KALRN: variants seen among roughly 807,000 people sequenced by gnomAD.
The protein encoded by KALRN is kalirin RhoGEF kinase, also known as kalirin.
Under a neutral mutation model 353.7 loss-of-function variants are expected in KALRN, and 70 were observed. That is an observed-to-expected ratio of 0.20 (90% CI 0.16 to 0.24). The LOEUF is 0.24. Among genes scored for constraint, KALRN ranks in the 10% least tolerant of loss-of-function variants. The pLI is 1.00. For synonymous variants in KALRN, 1,391 were observed against 1,434.8 expected, an observed-to-expected ratio of 0.97 and a Z score of 0.69; for missense variants, 2,791 against 3,756.7, an observed-to-expected ratio of 0.74 and a Z score of 6.72.
intron 25 of KALRN, among the ~76,000 whole-genome samples, chr3:124,463,689 C>G (rs1385227512): frequency 1.3e-5 from 2 of 152,016 alleles, no homozygotes; most frequent in Non-Finnish European, 2.9e-5. Flanking sequence ...CTAGAATAGC[C>G]CTGTGCTAAG....
intron 6 of KALRN, among the ~76,000 whole-genome samples, chr3:124,305,593 G>A (rs2077618889): frequency 6.6e-6 from 1 of 152,176 alleles, no homozygotes; most frequent in Non-Finnish European, 1.5e-5. Context: ...GAAAATCAGA[G>A]CACTGCCAAA....
intron 38 of KALRN, among the ~76,000 whole-genome samples, chr3:124,652,813 G>A (rs1323826487): frequency 2.6e-5 from 4 of 151,500 alleles, no homozygotes; most frequent in Non-Finnish European, 3.0e-5. Flanking sequence ...TCCTGACCTC[G>A]TGATCCGCCA....
chr3:124,201,697 C>T (rs1209245151), intron 1 of KALRN, among the ~76,000 whole-genome samples: 1 of 152,090 alleles, frequency 6.6e-6, no homozygotes, highest in Non-Finnish European at 1.5e-5. Flanking sequence ...TAGACCTCCC[C>T]CTGGGTGCTC....
At chr3:124,369,867 T>C (rs772308461) in intron 10 of KALRN, among the ~76,000 whole-genome samples, 6 of 151,860 alleles carry the variant, frequency 4.0e-5, no homozygotes, top group African/African-American at 1.5e-4. Flanking sequence ...TCATGCAGTA[T>C]TTATCTTGCT....
At chr3:124,565,574 T>C (rs1214457752) in intron 34 of KALRN, among the ~76,000 whole-genome samples, 1 of 152,218 alleles carries the variant, frequency 6.6e-6, no homozygotes, top group Non-Finnish European at 1.5e-5. Flanking sequence ...GAGAGACCCA[T>C]CTGCAGAGAC....
intron 51 of KALRN, among the ~76,000 whole-genome samples, chr3:124,689,861 A>G (rs1445876047): frequency 1.3e-5 from 2 of 152,224 alleles, no homozygotes; most frequent in African/African-American, 4.8e-5. Context: ...AAAGGTTCAC[A>G]AGTCTGGTAG....
At chr3:124,131,506 A>T (rs1029490584) in intron 1 of KALRN, among the ~76,000 whole-genome samples, 1 of 152,250 alleles carries the variant, frequency 6.6e-6, no homozygotes, top group Non-Finnish European at 1.5e-5. Flanking sequence ...GTAAGATTGT[A>T]CTTGAACTTG....
intron 37 of KALRN, among the ~76,000 whole-genome samples, chr3:124,642,806 G>GTTGTTTTTATTT (rs796628603): frequency 1.0e-5 from 1 of 96,840 alleles, no homozygotes; most frequent in African/African-American, 4.5e-5. Context: ...CCCAAGCCTC[G>GTTGTTTTTATTT]TTTTTTTTTT....
At chr3:124,486,628 T>A (rs1218712803) in intron 28 of KALRN, among the ~76,000 whole-genome samples, 1 of 152,140 alleles carries the variant, frequency 6.6e-6, no homozygotes, top group Non-Finnish European at 1.5e-5. Context: ...TTACCAAGTA[T>A]AAAGCTTGAC....
At chr3:124,252,495 T>C (rs369024228) in intron 3 of KALRN, among the ~76,000 whole-genome samples, 1 of 152,166 alleles carries the variant, frequency 6.6e-6, no homozygotes, top group African/African-American at 2.4e-5. Context: ...AACCACTTTA[T>C]AGAGGAGGAC....
At chr3:124,239,749 G>C (rs1433482981) in intron 3 of KALRN, among the ~76,000 whole-genome samples, 2 of 152,136 alleles carry the variant, frequency 1.3e-5, no homozygotes, top group African/African-American at 4.8e-5. Context: ...AAACTGCAAG[G>C]GTTTCCTGCC....
chr3:124,069,311 TAGGAGGAGGAGGAGGAGGAGGAGG>T (rs1208255204), intron 1 of KALRN, among the ~76,000 whole-genome samples: 5 of 21,426 alleles, frequency 2.3e-4, no homozygotes, highest in African/African-American at 3.4e-4. Context: ...CATGGAAACC[TAGGAGGAGGAGGAGGAGGAGGAGG>T]AGGAGGAGGA....
At chr3:124,477,377 G>C in intron 27 of KALRN, 43 bp downstream of exon 27, 1 of 1,397,740 alleles carries the variant, frequency 7.2e-7, no homozygotes, top group Non-Finnish European at 1.0e-6. Context: ...TGAGCAGGTG[G>C]AAATGCTTCT....
intron 1 of KALRN, chr3:124,099,384 A>G (rs2061678883): frequency 6.6e-6 from 1 of 152,234 alleles, no homozygotes; most frequent in Non-Finnish European, 1.5e-5. Flanking sequence ...GCTGCAAATG[A>G]CAGGATTTCC....
intron 7 of KALRN, among the ~76,000 whole-genome samples, chr3:124,329,346 G>A (rs1038380745): frequency 5.3e-5 from 8 of 152,150 alleles, no homozygotes; most frequent in African/African-American, 1.2e-4. Flanking sequence ...GGCAGTTTCC[G>A]TCCCATATGG....
At chr3:124,184,595 A>G (rs1171589556) in intron 1 of KALRN, among the ~76,000 whole-genome samples, 1 of 152,114 alleles carries the variant, frequency 6.6e-6, no homozygotes, top group Non-Finnish European at 1.5e-5. Flanking sequence ...ACACAGGTCA[A>G]TTTTCAACTC....
At chr3:124,550,806 G>T (rs775559409) in intron 33 of KALRN, among the ~76,000 whole-genome samples, 1 of 152,042 alleles carries the variant, frequency 6.6e-6, no homozygotes, top group East Asian at 1.9e-4. Context: ...TGGCTAACAC[G>T]GTGAAACCCC....
At chr3:124,147,351 C>T (rs1330577626) in intron 1 of KALRN, among the ~76,000 whole-genome samples, 4 of 152,164 alleles carry the variant, frequency 2.6e-5, no homozygotes, top group Non-Finnish European at 5.9e-5. Flanking sequence ...GGAAGATACT[C>T]TGCCTCCTAG....
At chr3:124,183,839 G>C (rs977548471) in intron 1 of KALRN, among the ~76,000 whole-genome samples, 14 of 152,270 alleles carry the variant, frequency 9.2e-5, no homozygotes, top group African/African-American at 3.1e-4. Context: ...ATCTTGTATA[G>C]CTTTAAAAAT....
Sources: gnomAD v4.1 joint callset for allele counts (sites outside exome capture counted in the v4.1 genomes callset) on GRCh38, gnomAD v4.1.1 for gene constraint, MANE v1.5 for transcripts, NCBI Gene and HGNC (gene_info 2026-07-23, HGNC 2026-07-21) for gene names.